SMARCC1: variants seen among roughly 807,000 people sequenced by gnomAD.
SMARCC1 encodes SWI/SNF related BAF chromatin remodeling complex subunit C1.
SMARCC1 carries 43 observed loss-of-function variants against 147.4 expected under a neutral mutation model. That is an observed-to-expected ratio of 0.29 (90% CI 0.23 to 0.38). The LOEUF is 0.38. Among genes scored for constraint, SMARCC1 ranks in the 10% least tolerant of loss-of-function variants. The pLI is 1.00. For synonymous variants in SMARCC1, 495 were observed against 484.4 expected (o/e 1.02, Z -0.29); for missense variants, 1,119 against 1,381.1 (o/e 0.81, Z 3.01).
At position 47,636,031 on chromosome 3, in the gene SMARCC1, T is replaced by C. The variant is rs1250287837; in HGVS notation, c.2482A>G (p.Thr828Ala). 1.3e-6 allele frequency: 2 copies of C among 1,529,256 alleles called. No homozygotes were observed. Among genetic ancestry groups the C allele is most frequent in the Non-Finnish European group, 1.8e-6 (2 of 1,109,356 alleles). The allele number at this position is 1,529,256 out of a possible 1,614,324, so 94.7% of individuals were successfully genotyped here. A position where few individuals can be genotyped will look rare whatever the true frequency, so the allele number is the denominator to read the frequency against. ...KEQDSEVSED[T>A]KSEEKETEEN... ...AGTTTCCTCAAATTACCTGATTTGG[T>C]ATCCTCACTCACTTCACTATCCTGT... The change falls in exon 23 of 28, where the codon ACC (threonine) becomes GCC (alanine). Residue 828 changes from threonine to alanine, a missense_variant. This residue lies in a region of SMARCC1 where 157 missense variants were observed against 158.6 expected (regional missense o/e 0.99). Coordinates refer to ENST00000254480, the MANE Select transcript of SMARCC1 (RefSeq NM_003074.4).
chr3:47,720,850 G>A (rs573165116), intron 6 of SMARCC1, 115 bp from the exon 7 acceptor site: 7 of 826,032 alleles, frequency 8.5e-6, no homozygotes, highest in East Asian at 2.5e-5. Flanking sequence ...AACATTTTTC[G>A]AACATGCTGT....
At chr3:47,597,981 A>G (rs1383409879) in intron 26 of SMARCC1, among the ~76,000 whole-genome samples, 1 of 152,204 alleles carries the variant, frequency 6.6e-6, no homozygotes, top group Non-Finnish European at 1.5e-5. Context: ...AAGGGAAGGT[A>G]TAGAACTCCC....
chr3:47,605,665 CAAGAGGCTG>C (rs1437381435), intron 26 of SMARCC1, among the ~76,000 whole-genome samples: 2 of 152,250 alleles, frequency 1.3e-5, no homozygotes, highest in South Asian at 2.1e-4. Context: ...CCCAGCTACT[CAAGAGGCTG>C]AGGTGGGAGG....
chr3:47,686,201 G>T, intron 13 of SMARCC1, 31 bp from the exon 14 acceptor site: 1 of 1,585,318 alleles, frequency 6.3e-7, no homozygotes. Flanking sequence ...TTCAAAGAAA[G>T]AAAGAACTAC....
intron 26 of SMARCC1, among the ~76,000 whole-genome samples, chr3:47,593,963 G>A (rs2032226857): frequency 6.6e-6 from 1 of 152,084 alleles, no homozygotes. Flanking sequence ...TCAGGAGTTC[G>A]TGACCAGCCT....
intron 27 of SMARCC1, among the ~76,000 whole-genome samples, chr3:47,589,778 T>C (rs2032147054): frequency 6.6e-6 from 1 of 152,220 alleles, no homozygotes; most frequent in African/African-American, 2.4e-5. Flanking sequence ...ATGCCTTCAT[T>C]TGCTAAGTTC....
chr3:47,772,648 CA>C (rs1431955398), intron 2 of SMARCC1, among the ~76,000 whole-genome samples, 168 bp downstream of exon 2: 1 of 151,926 alleles, frequency 6.6e-6, no homozygotes, highest in Non-Finnish European at 1.5e-5. Context: ...CTTCAAAAAG[CA>C]GCTTCCTACA....
At chr3:47,768,173 A>G (rs1217269375) in intron 2 of SMARCC1, among the ~76,000 whole-genome samples, 3 of 152,052 alleles carry the variant, frequency 2.0e-5, no homozygotes, top group Non-Finnish European at 4.4e-5. Flanking sequence ...CAGGGAAAAA[A>G]CTTTTTAAAG....
At position 47,586,755 on chromosome 3, in the gene SMARCC1, G is replaced by C. The variant is rs894750824; in HGVS notation, c.*1454C>G. ...TTGAGAATGTGAAGTGAGAAAGCCA[G>C]GCGCTTTGGAAACCAAGCTCTACCA... On this transcript the variant is annotated 3_prime_UTR_variant, in exon 28 of 28. Coordinates refer to ENST00000254480, the MANE Select transcript of SMARCC1 (RefSeq NM_003074.4). 2.6e-5 allele frequency: 4 copies of C among 152,556 alleles called. No individual in the cohort carries two copies. The highest frequency in any genetic ancestry group is 5.9e-5 in the Non-Finnish European group (4 of 68,024). 9.5% of individuals were successfully genotyped at this position (152,556 alleles called of 1,614,324 possible). A position where few individuals can be genotyped will look rare whatever the true frequency, so the allele number is the denominator to read the frequency against.
At chr3:47,709,947 A>T (rs1464338650) in intron 9 of SMARCC1, among the ~76,000 whole-genome samples, 1 of 152,210 alleles carries the variant, frequency 6.6e-6, no homozygotes, top group Non-Finnish European at 1.5e-5. Context: ...AGAAAAGTGG[A>T]TTGAACTATA....
rs528973210 is a variant in SMARCC1, at chr3:47,781,386, G to T, written c.195+217C>A. ...GAGACTGAGCAGGGGCTTTCACCATGGGTGCGTAGGCTCAGAGGAGAGAGC... is the reference window on the plus strand; with the variant it reads ...GAGACTGAGCAGGGGCTTTCACCATTGGTGCGTAGGCTCAGAGGAGAGAGC... On this transcript the variant is annotated intron_variant, in intron 1 of 27. Transcript: ENST00000254480. Among the ~76,000 whole-genome samples the T allele has an allele frequency of 5.3e-5, 8 of 152,344 alleles. No individual in the cohort carries two copies. In the East Asian group the frequency reaches 1.5e-3, roughly 29 times the overall value.
At position 47,587,179 on chromosome 3, in the gene SMARCC1, C is replaced by A. The variant is rs973617863; in HGVS notation, c.*1030G>T. On this transcript the variant is annotated 3_prime_UTR_variant, in exon 28 of 28. Transcript: ENST00000254480. ...ACAAGAGGTAGTTTGGGGACTTGTA[C>A]CCCCAGCCATCCTAACCAAGTTTCA... is the stretch of plus-strand genomic sequence containing the variant. 6.6e-6 allele frequency: 1 copy of A among 152,566 alleles called. No individual in the cohort carries two copies. The highest frequency in any genetic ancestry group is 1.5e-5 in the Non-Finnish European group (1 of 68,034). The allele number at this position is 152,566 out of a possible 1,614,324, so 9.5% of individuals were successfully genotyped here. A position where few individuals can be genotyped will look rare whatever the true frequency, so the allele number is the denominator to read the frequency against.
intron 1 of SMARCC1, among the ~76,000 whole-genome samples, chr3:47,780,168 G>GT (rs10662354): frequency 0.19 from 11,593 of 62,550 alleles, 1,042 homozygotes; most frequent in African/African-American, 0.24. Flanking sequence ...GTTTTTTTTT[G>GT]TTTTTTTTTT....
chr3:47,627,161 C>G (rs921397329), intron 24 of SMARCC1, among the ~76,000 whole-genome samples: 1 of 152,090 alleles, frequency 6.6e-6, no homozygotes, highest in African/African-American at 2.4e-5. Flanking sequence ...TAAAATGTTT[C>G]TCTTTGGCTT....
chr3:47,733,986 TAC>T (rs201233072), intron 5 of SMARCC1, among the ~76,000 whole-genome samples: 1 of 151,842 alleles, frequency 6.6e-6, no homozygotes, highest in Admixed American at 6.6e-5. Flanking sequence ...TGTATATATA[TAC>T]ATATGTATGT....
At chr3:47,663,994 T>C in intron 19 of SMARCC1, 1 of 965,114 alleles carries the variant, frequency 1.0e-6, no homozygotes, top group Non-Finnish European at 1.5e-6. Flanking sequence ...GAGCAAGCAC[T>C]GGCCCTACCA....
chr3:47,753,182 G>A (rs934281783), intron 2 of SMARCC1, among the ~76,000 whole-genome samples: 1 of 151,582 alleles, frequency 6.6e-6, no homozygotes, highest in African/African-American at 2.4e-5. Context: ...CATCTTAGTC[G>A]GACGTGGTGG....
intron 24 of SMARCC1, among the ~76,000 whole-genome samples, chr3:47,631,233 C>A (rs1004808674): frequency 5.3e-5 from 8 of 152,204 alleles, no homozygotes; most frequent in Non-Finnish European, 1.5e-5. Flanking sequence ...GGGTAAGAGT[C>A]TTCCCGTTGT....
chr3:47,738,914 A>C (rs1489971034), intron 3 of SMARCC1, among the ~76,000 whole-genome samples: 2 of 152,242 alleles, frequency 1.3e-5, no homozygotes, highest in Non-Finnish European at 2.9e-5. Flanking sequence ...AAGTATGAAT[A>C]ACAAGTACTG....
Sources: allele counts gnomAD v4.1 joint callset (sites outside exome capture counted in the v4.1 genomes callset), GRCh38; gene constraint gnomAD v4.1.1; regional missense constraint gnomAD v4.1.1; transcripts MANE v1.5; gene names NCBI Gene and HGNC (gene_info 2026-07-23, HGNC 2026-07-21).